The following RARB variants were observed in gnomAD, a reference collection of about 807,000 sequenced individuals.
RARB encodes HBV-activated protein.
A neutral mutation model predicts 51.9 loss-of-function variants in RARB; 17 were observed. The ratio of observed to expected loss-of-function variants is 0.33; its 90% CI spans 0.22 to 0.49. The LOEUF (loss-of-function observed/expected upper bound fraction) is 0.49. Ranked by LOEUF, RARB falls within the 20% of genes least tolerant of loss-of-function variation. The probability of loss-of-function intolerance (pLI) is 0.99; values close to 1 mark genes in which losing one functional copy is unlikely to be tolerated. For missense variants in RARB, 369 were observed against 550.8 expected, an observed-to-expected ratio of 0.67 and a Z score of 3.30; for synonymous variants, 215 against 195.4, an observed-to-expected ratio of 1.10 and a Z score of -0.84.
chr3:25,203,377 C>G (rs1404790135), intron 5 of RARB, among the ~76,000 whole-genome samples: 1 of 152,180 alleles, frequency 6.6e-6, no homozygotes, highest in South Asian at 2.1e-4. Flanking sequence ...GGTCTTGACT[C>G]TTTATCCAAT....
intron 5 of RARB, among the ~76,000 whole-genome samples, chr3:25,179,184 A>G (rs747478148): frequency 6.6e-6 from 1 of 152,116 alleles, no homozygotes; most frequent in Non-Finnish European, 1.5e-5. Flanking sequence ...TCTTATTTCT[A>G]TTTTTTGTCT....
At chr3:25,008,476 T>C in intron 2 of RARB, among the ~76,000 whole-genome samples, 1 of 152,246 alleles carries the variant, frequency 6.6e-6, no homozygotes, top group Middle Eastern at 3.4e-3. Context: ...GTTCTGCCTC[T>C]GAGTAGCTAC....
At chr3:25,288,120 T>C (rs1341483560) in intron 5 of RARB, among the ~76,000 whole-genome samples, 12 of 152,150 alleles carry the variant, frequency 7.9e-5, no homozygotes, top group Admixed American at 7.9e-4. Context: ...CAAGATATTG[T>C]CAAAGAAATT....
At chr3:25,408,412 T>C (rs1707471981) in intron 5 of RARB, among the ~76,000 whole-genome samples, 1 of 151,970 alleles carries the variant, frequency 6.6e-6, no homozygotes, top group Non-Finnish European at 1.5e-5. Context: ...AAGGGAGAAG[T>C]GCCACAGACT....
intron 4 of RARB, among the ~76,000 whole-genome samples, chr3:25,144,686 A>G (rs770862714): frequency 7.8e-4 from 119 of 152,306 alleles, no homozygotes; most frequent in Middle Eastern, 3.4e-3. Context: ...TCTCCCATTG[A>G]TGAATAACAC....
chr3:25,190,919 G>A (rs1045726128), intron 5 of RARB, among the ~76,000 whole-genome samples: 1 of 152,076 alleles, frequency 6.6e-6, no homozygotes, highest in African/African-American at 2.4e-5. Context: ...GCTAAATCAA[G>A]TCAGAGTCAA....
At chr3:25,458,588 A>G (rs1007444619) in intron 1 of RARB, among the ~76,000 whole-genome samples, 2 of 152,170 alleles carry the variant, frequency 1.3e-5, no homozygotes, top group African/African-American at 4.8e-5. Flanking sequence ...GCCCTTCTAT[A>G]AAACAGTTGC....
At chr3:25,048,752 CTTT>C (rs34598308) in intron 2 of RARB, among the ~76,000 whole-genome samples, 9 of 108,406 alleles carry the variant, frequency 8.3e-5, no homozygotes, top group Admixed American at 1.1e-4. Flanking sequence ...ATTAAGCCCA[CTTT>C]TTTTTTTTTT....
intron 2 of RARB, among the ~76,000 whole-genome samples, chr3:25,050,968 G>T (rs985897765): frequency 6.6e-6 from 1 of 152,080 alleles, no homozygotes; most frequent in African/African-American, 2.4e-5. Flanking sequence ...ATGCTTTCCA[G>T]CTTCTAAAAA....
intron 2 of RARB, among the ~76,000 whole-genome samples, chr3:24,949,972 G>A (rs1036208687): frequency 6.6e-6 from 1 of 152,166 alleles, no homozygotes; most frequent in Non-Finnish European, 1.5e-5. Context: ...AATAACAGAG[G>A]GAAGAGCGAA....
intron 2 of RARB, among the ~76,000 whole-genome samples, chr3:24,891,202 C>T (rs983477947): frequency 1.3e-5 from 2 of 152,122 alleles, no homozygotes; most frequent in Non-Finnish European, 2.9e-5. Context: ...TTGCCTTTGA[C>T]GTTCCTTTCT....
intron 5 of RARB, among the ~76,000 whole-genome samples, chr3:25,280,740 G>A (rs903413506): frequency 3.3e-5 from 5 of 152,040 alleles, no homozygotes; most frequent in East Asian, 1.9e-4. Context: ...TTCACCTTCC[G>A]TTGTATTCTT....
At chr3:25,320,229 CA>C (rs1215732595) in intron 5 of RARB, among the ~76,000 whole-genome samples, 1 of 152,108 alleles carries the variant, frequency 6.6e-6, no homozygotes, top group African/African-American at 2.4e-5. Flanking sequence ...AGGATGTTTT[CA>C]GAAAGAATAT....
chr3:25,360,211 T>A (rs1210954362), intron 5 of RARB, among the ~76,000 whole-genome samples: 1 of 152,210 alleles, frequency 6.6e-6, no homozygotes. Context: ...GTTGTGTTGA[T>A]CCCTTTACCA....
upstream of RARB, among the ~76,000 whole-genome samples, chr3:25,427,630 A>G (rs936574232): frequency 6.6e-6 from 1 of 152,184 alleles, no homozygotes; most frequent in African/African-American, 2.4e-5. Flanking sequence ...AAGTAAATGA[A>G]TCTCGAAAGC....
intron 5 of RARB, among the ~76,000 whole-genome samples, chr3:25,340,251 T>C (rs1705190153): frequency 2.0e-5 from 3 of 152,198 alleles, no homozygotes; most frequent in South Asian, 4.1e-4. Flanking sequence ...ATTGTACTTC[T>C]ATACTTACCT....
In RARB at chr3:25,229,051, C is replaced by A. The variant is rs138749072; in HGVS notation, c.178+54476C>A. On this transcript the variant is annotated intron_variant, in intron 5 of 11. Transcript: ENST00000383772. ...CTCAGTCTTCACTCTTCTAAGGGAT[C>A]GACTATTGTCTGAGTCTTTCAAGAC... is the stretch of plus-strand genomic sequence containing the variant. 3.2e-3 allele frequency among the ~76,000 whole-genome samples: 484 copies of A among 152,194 alleles called. 5 individuals are homozygous for A. Among genetic ancestry groups the A allele is most frequent in the African/African-American group, 0.011 (454 of 41,558 alleles).
chr3:25,194,787 A>G (rs1196153392), intron 5 of RARB, among the ~76,000 whole-genome samples: 3 of 152,058 alleles, frequency 2.0e-5, no homozygotes, highest in South Asian at 2.1e-4. Context: ...AATTTTTAAA[A>G]AAGACTGTGG....
At chr3:25,083,120 A>G (rs1319181165) in intron 3 of RARB, among the ~76,000 whole-genome samples, 1 of 113,356 alleles carries the variant, frequency 8.8e-6, no homozygotes, top group Non-Finnish European at 1.7e-5. Flanking sequence ...TAAATATTAT[A>G]TCATTAGGTA....
Sources: allele counts gnomAD v4.1 joint callset (sites outside exome capture counted in the v4.1 genomes callset), GRCh38; gene constraint gnomAD v4.1.1; transcripts MANE v1.5; gene names NCBI Gene and HGNC (gene_info 2026-07-23, HGNC 2026-07-21).